The following ZFYVE28 variants were observed in gnomAD, a reference collection of about 807,000 sequenced individuals.
The protein encoded by ZFYVE28 is lateral signaling target protein 2 homolog.
A neutral mutation model predicts 82.1 loss-of-function variants in ZFYVE28; 40 were observed. The ratio of observed to expected loss-of-function variants is 0.49; its 90% CI spans 0.38 to 0.63. The LOEUF (loss-of-function observed/expected upper bound fraction) is 0.63. Among genes scored for constraint, ZFYVE28 ranks in the 30% least tolerant of loss-of-function variants. The probability of loss-of-function intolerance (pLI) is 0.00; values close to 1 mark genes in which losing one functional copy is unlikely to be tolerated. For missense variants in ZFYVE28, 1,321 were observed against 1,242.1 expected (o/e 1.06, Z -0.96); for synonymous variants, 612 against 546.1 (o/e 1.12, Z -1.68).
chr4:2,338,143 G>A (rs1046325904), intron 4 of ZFYVE28, among the ~76,000 whole-genome samples: 1 of 152,232 alleles, frequency 6.6e-6, no homozygotes, highest in Non-Finnish European at 1.5e-5. Flanking sequence ...ACAACCCGCA[G>A]CCCCACATGA....
intron 1 of ZFYVE28, among the ~76,000 whole-genome samples, chr4:2,358,156 G>C (rs770634857): frequency 6.6e-6 from 1 of 152,228 alleles, no homozygotes. Context: ...CCGTGTGTGT[G>C]CAAGTATGTA....
At chr4:2,413,288 G>A (rs912621720) in intron 1 of ZFYVE28, among the ~76,000 whole-genome samples, 2 of 152,256 alleles carry the variant, frequency 1.3e-5, no homozygotes, top group African/African-American at 4.8e-5. Flanking sequence ...AGAGCACATG[G>A]GCTCTCAGGC....
intron 7 of ZFYVE28, among the ~76,000 whole-genome samples, chr4:2,319,802 G>T (rs1453399839): frequency 4.7e-5 from 7 of 149,880 alleles, no homozygotes; most frequent in African/African-American, 1.7e-4. Flanking sequence ...TTTGGGGACG[G>T]TGGGGACGGT....
chr4:2,395,076 A>G (rs1416467070), intron 1 of ZFYVE28, among the ~76,000 whole-genome samples: 9 of 152,206 alleles, frequency 5.9e-5, no homozygotes, highest in Non-Finnish European at 1.5e-5. Flanking sequence ...AATCGTACCC[A>G]ATAAGATAAC....
intron 6 of ZFYVE28, among the ~76,000 whole-genome samples, chr4:2,333,640 G>A (rs990856181): frequency 6.6e-6 from 1 of 152,046 alleles, no homozygotes; most frequent in Non-Finnish European, 1.5e-5. Context: ...TGAGTGGGCG[G>A]GTGGCTTGGT....
intron 1 of ZFYVE28, among the ~76,000 whole-genome samples, chr4:2,359,363 C>T (rs112534247): frequency 8.5e-5 from 13 of 152,170 alleles, no homozygotes; most frequent in African/African-American, 2.9e-4. Context: ...TGGGCTCAAG[C>T]GATTCATCTG....
chr4:2,283,458 C>T (rs1236282907), intron 8 of ZFYVE28, among the ~76,000 whole-genome samples: 5 of 144,340 alleles, frequency 3.5e-5, no homozygotes, highest in Admixed American at 1.4e-4. Context: ...CACCCATCCA[C>T]CCACCCATCC....
At position 2,304,295 on chromosome 4, in the gene ZFYVE28, C is replaced by G. The variant is rs771188616; in HGVS notation, c.2045G>C (p.Gly682Ala). Residue 682 changes from glycine to alanine, a missense_variant, in exon 8 of 13, where the codon GGC becomes GCC. Transcript: ENST00000290974. ...SAHEAPQALS[G>A]SSSSTAGSCS... ...GGGCCAGACTGGCTCTTACCTGGAG[C>G]CCGACAGGGCCTGAGGCGCCTCGTG... The G allele has an allele frequency of 3.8e-6, 6 of 1,570,494 alleles. No individual in the cohort carries two copies. The highest frequency in any genetic ancestry group is 5.1e-6 in the Non-Finnish European group (6 of 1,165,766).
At chr4:2,283,714 A>G (rs1469816089) in intron 8 of ZFYVE28, among the ~76,000 whole-genome samples, 1 of 152,328 alleles carries the variant, frequency 6.6e-6, no homozygotes, top group East Asian at 1.9e-4. Flanking sequence ...GTGAACAGTT[A>G]ATTATCACAC....
At chr4:2,407,457 G>A (rs1258625792) in intron 1 of ZFYVE28, among the ~76,000 whole-genome samples, 1 of 151,960 alleles carries the variant, frequency 6.6e-6, no homozygotes, top group Non-Finnish European at 1.5e-5. Flanking sequence ...GGCCTGCTGT[G>A]CCACTGATTC....
chr4:2,332,184 C>T lies in ZFYVE28; in HGVS notation c.701+3521G>A, dbSNP rs919143563. Among the ~76,000 whole-genome samples, 39 of 152,292 alleles carry T rather than the reference C, an allele frequency of 2.6e-4. No individual in the cohort carries two copies. The highest frequency in any genetic ancestry group is 9.1e-4 in the African/African-American group (38 of 41,566). On this transcript the variant is annotated intron_variant, in intron 6 of 12. Transcript: ENST00000290974. The surrounding 1 kb of genome is among the most constrained non-coding windows in gnomAD (Gnocchi z 4.7). The stretch of plus-strand genomic sequence containing the variant: ...CCCTCAGCTCCTGCCCCGCTCAGCA[C>T]CCCTGCCTCCCCTCTGCTCTCAGTG...
chr4:2,307,636 C>T lies in ZFYVE28; in HGVS notation c.804-2100G>A, dbSNP rs541574851. Among the ~76,000 whole-genome samples, 62 of 152,116 alleles carry T rather than the reference C, an allele frequency of 4.1e-4. No individual in the cohort carries two copies. In the South Asian group the frequency reaches 5.8e-3, roughly 14 times the overall value. ...CAGCTGGTACTACAGGTGCAGACCA[C>T]CGTATCTGGCTAATTATTTTTAATT... On this transcript the variant is annotated intron_variant, in intron 7 of 12. Transcript: ENST00000290974.
At chr4:2,314,911 A>G (rs1717989441) in intron 7 of ZFYVE28, among the ~76,000 whole-genome samples, 1 of 152,032 alleles carries the variant, frequency 6.6e-6, no homozygotes, top group Non-Finnish European at 1.5e-5. Flanking sequence ...CCTGAGTAAG[A>G]TGGAACTACA....
At chr4:2,331,973 C>T (rs78811082) in intron 6 of ZFYVE28, among the ~76,000 whole-genome samples, 4,456 of 152,298 alleles carry the variant, frequency 0.029, 200 homozygotes, top group African/African-American at 0.099. Flanking sequence ...TTGGTTCTGC[C>T]GCCTCCAGCT....
At chr4:2,345,746 T>C (rs1366623665) in intron 2 of ZFYVE28, among the ~76,000 whole-genome samples, 2 of 151,334 alleles carry the variant, frequency 1.3e-5, no homozygotes, top group East Asian at 3.9e-4. Context: ...TACAGCATAA[T>C]CAAATTGGTC....
chr4:2,297,352 C>A (rs1312945442), intron 8 of ZFYVE28, among the ~76,000 whole-genome samples: 1 of 152,186 alleles, frequency 6.6e-6, no homozygotes, highest in Non-Finnish European at 1.5e-5. Flanking sequence ...GGCTCTCCTC[C>A]GTGACACCTC....
At chr4:2,289,600 A>G (rs11934718) in intron 8 of ZFYVE28, among the ~76,000 whole-genome samples, 85,259 of 152,096 alleles carry the variant, frequency 0.56, 24,239 homozygotes, top group Admixed American at 0.63. Flanking sequence ...CAGCAGCCCC[A>G]TCGCCCCCTG....
At chr4:2,403,449 G>T (rs3128769) in intron 1 of ZFYVE28, among the ~76,000 whole-genome samples, 129,269 of 152,230 alleles carry the variant, frequency 0.85, 55,047 homozygotes, top group Admixed American at 0.9. Context: ...CTGGATCGTG[G>T]CGGGAGGACA....
chr4:2,356,757 G>A (rs894646631), intron 1 of ZFYVE28, among the ~76,000 whole-genome samples: 9 of 152,244 alleles, frequency 5.9e-5, no homozygotes, highest in Non-Finnish European at 1.3e-4. Flanking sequence ...GGGAAAGTGA[G>A]GCCCAAAAGG....
Sources: allele counts gnomAD v4.1 joint callset (sites outside exome capture counted in the v4.1 genomes callset), GRCh38; gene constraint gnomAD v4.1.1; non-coding constraint Gnocchi (gnomAD v3.1); transcripts MANE v1.5; gene names NCBI Gene and HGNC (gene_info 2026-07-23, HGNC 2026-07-21).